The following PCDHGB4 variants were observed in gnomAD, a reference collection of about 807,000 sequenced individuals.
PCDHGB4 encodes protocadherin gamma subfamily B, 4, also known as protocadherin gamma-B4.
A neutral mutation model predicts 60.5 loss-of-function variants in PCDHGB4; 38 were observed. The ratio of observed to expected loss-of-function variants is 0.63; its 90% CI spans 0.48 to 0.82. PCDHGB4 has a LOEUF of 0.82. Among genes scored for constraint, PCDHGB4 ranks in the 40% least tolerant of loss-of-function variants. The pLI, the probability that PCDHGB4 is intolerant of heterozygous loss-of-function variation, is 0.00. For missense variants in PCDHGB4, 1,109 were observed against 1,209.6 expected (o/e 0.92, Z 1.23); for synonymous variants, 456 against 509.7 (o/e 0.89, Z 1.42).
intron 1 of PCDHGB4, chr5:141,415,152 C>T (rs758450562): frequency 6.2e-7 from 1 of 1,613,812 alleles, no homozygotes; most frequent in Admixed American, 1.7e-5. Context: ...CCCCTCTCTC[C>T]GCCACTGTCA....
At chr5:141,392,357 C>T (rs980934647) in intron 1 of PCDHGB4, 1 of 152,638 alleles carries the variant, frequency 6.6e-6, no homozygotes, top group Admixed American at 6.5e-5. Flanking sequence ...TAATCCGATG[C>T]TACAATCTGA....
At chr5:141,434,609 G>A (rs189866750) in intron 1 of PCDHGB4, among the ~76,000 whole-genome samples, 11 of 152,064 alleles carry the variant, frequency 7.2e-5, no homozygotes, top group Non-Finnish European at 1.3e-4. Context: ...CTTTATTTCC[G>A]CCCATCTCTT....
At chr5:141,507,558 G>A (rs573728108) in intron 3 of PCDHGB4, among the ~76,000 whole-genome samples, 57 of 152,346 alleles carry the variant, frequency 3.7e-4, no homozygotes, top group African/African-American at 1.3e-3. Context: ...AGTGGCAGGC[G>A]GCTGGGTCTG....
rs757707945 is a variant in PCDHGB4 at position 141,399,045 on chromosome 5, A to C, written c.2397+8764A>C. On this transcript the variant is annotated intron_variant, in intron 1 of 3. Coordinates refer to ENST00000519479, the MANE Select transcript of PCDHGB4 (RefSeq NM_003736.4). ...CCACTCAAAAGAAACTGGATTTTGAAGAGACCAAGGAATATTCAATGGTTG... is the reference window on the plus strand; with the variant it reads ...CCACTCAAAAGAAACTGGATTTTGACGAGACCAAGGAATATTCAATGGTTG... The C allele has an allele frequency of 3.1e-6, 5 of 1,613,878 alleles. No individual in the cohort carries two copies. The Admixed American group carries it at 5.0e-5, about 16-fold the overall frequency.
At chr5:141,434,693 T>C (rs2097710124) in intron 1 of PCDHGB4, among the ~76,000 whole-genome samples, 1 of 152,034 alleles carries the variant, frequency 6.6e-6, no homozygotes, top group Non-Finnish European at 1.5e-5. Context: ...TTGCTGTTAA[T>C]AAATATGTGG....
chr5:141,396,592 C>G (rs886214200), intron 1 of PCDHGB4: 3 of 151,870 alleles, frequency 2.0e-5, no homozygotes, highest in Admixed American at 2.0e-4. Context: ...TGCACTCCAG[C>G]CTGGGCAACA....
chr5:141,432,215 C>T lies in PCDHGB4; in HGVS notation c.2397+41934C>T. The T allele has an allele frequency of 1.9e-6, 3 of 1,614,228 alleles. No individual in the cohort carries two copies. The highest frequency in any genetic ancestry group is 2.5e-6 in the Non-Finnish European group (3 of 1,180,036). The stretch of plus-strand genomic sequence containing the variant: ...CGACCCCGACTGTGAAGAGAACGCC[C>T]AGATCACTTATTCCCTGGCTGAGAA... On this transcript the variant is annotated intron_variant, in intron 1 of 3. Transcript: ENST00000519479. This position sits in a 1 kb window ranked among gnomAD's most constrained non-coding sequence, Gnocchi z 6.0.
intron 2 of PCDHGB4, among the ~76,000 whole-genome samples, chr5:141,503,681 A>C (rs1313633991): frequency 6.6e-6 from 1 of 152,102 alleles, no homozygotes; most frequent in Non-Finnish European, 1.5e-5. Context: ...ACTTTTGGGA[A>C]GGAGAATTGA....
chr5:141,485,619 G>A lies in PCDHGB4; in HGVS notation c.2398-9188G>A. On this transcript the variant is annotated intron_variant, in intron 1 of 3. Coordinates refer to ENST00000519479, the MANE Select transcript of PCDHGB4 (RefSeq NM_003736.4). This position sits in a 1 kb window ranked among gnomAD's most constrained non-coding sequence, Gnocchi z 5.7. ...GAAATTGGGGAGGCAGCTCCTCCAG[G>A]ACAGCGTTTCCCGTTGGAAAAGGCT... 3 of 1,612,234 alleles carry A rather than the reference G, an allele frequency of 1.9e-6. No homozygotes were observed. The highest frequency in any genetic ancestry group is 2.5e-6 in the Non-Finnish European group (3 of 1,178,678).
At chr5:141,398,621 ACT>A in intron 1 of PCDHGB4, 3 of 1,613,968 alleles carry the variant, frequency 1.9e-6, no homozygotes, top group Non-Finnish European at 2.5e-6. Flanking sequence ...ATTGGCTTAA[ACT>A]CTCTGCAGAA....
intron 1 of PCDHGB4, chr5:141,417,977 G>T (rs752463782): frequency 1.2e-6 from 2 of 1,613,872 alleles, no homozygotes; most frequent in South Asian, 2.2e-5. Context: ...GATTCCGGAG[G>T]AGCTGGCCAA....
chr5:141,472,290 C>T (rs2099275934), intron 1 of PCDHGB4, among the ~76,000 whole-genome samples: 2 of 152,096 alleles, frequency 1.3e-5, no homozygotes, highest in Admixed American at 6.6e-5. Flanking sequence ...ACCTGTAATC[C>T]CAGCACTTTG....
chr5:141,412,000 C>G (rs936679371), intron 1 of PCDHGB4: 4 of 151,788 alleles, frequency 2.6e-5, no homozygotes, highest in East Asian at 1.9e-4. Flanking sequence ...GGCATAGTGA[C>G]ATAAACACTT....
intron 1 of PCDHGB4, chr5:141,399,397 G>C: frequency 1.2e-6 from 2 of 1,613,940 alleles, no homozygotes; most frequent in Non-Finnish European, 8.5e-7. Context: ...CACAGACAGG[G>C]GCAAGCCGCC....
intron 2 of PCDHGB4, among the ~76,000 whole-genome samples, chr5:141,503,340 T>A (rs1394172617): frequency 6.6e-6 from 1 of 152,064 alleles, no homozygotes; most frequent in African/African-American, 2.4e-5. Flanking sequence ...CTCACGCCTG[T>A]AATTCCAGCA....
intron 1 of PCDHGB4, chr5:141,419,197 T>C (rs560134083): frequency 1.2e-6 from 2 of 1,613,966 alleles, no homozygotes; most frequent in South Asian, 1.1e-5. Flanking sequence ...CTGACGTCAA[T>C]GACAACGCGC....
chr5:141,481,317 C>T (rs2099535550), intron 1 of PCDHGB4, among the ~76,000 whole-genome samples: 1 of 152,182 alleles, frequency 6.6e-6, no homozygotes, highest in African/African-American at 2.4e-5. Context: ...CTTCCTAAAG[C>T]ACTAGCCCCT....
intron 1 of PCDHGB4, chr5:141,478,025 A>G (rs939969624): frequency 1.9e-6 from 3 of 1,614,146 alleles, no homozygotes; most frequent in Non-Finnish European, 2.5e-6. Flanking sequence ...AGTCCAAGAC[A>G]CAGATTCACC....
At chr5:141,410,425 C>G (rs779212749) in intron 1 of PCDHGB4, 1 of 1,614,030 alleles carries the variant, frequency 6.2e-7, no homozygotes, top group South Asian at 1.1e-5. Flanking sequence ...TAGTTCCCCC[C>G]AACTACAGTG....
Sources: gnomAD v4.1 joint callset for allele counts (sites outside exome capture counted in the v4.1 genomes callset) on GRCh38, gnomAD v4.1.1 for gene constraint, Gnocchi (gnomAD v3.1) non-coding constraint, MANE v1.5 for transcripts, NCBI Gene and HGNC (gene_info 2026-07-23, HGNC 2026-07-21) for gene names.